Variants in PCDHGA6 observed in about 807,000 individuals in gnomAD.
PCDHGA6 encodes protocadherin gamma subfamily A, 6, also known as protocadherin gamma-A6.
PCDHGA6 carries 41 observed loss-of-function variants against 60.6 expected under a neutral mutation model. The observed-to-expected ratio is 0.68, with a 90% CI of 0.53 to 0.88. The LOEUF (loss-of-function observed/expected upper bound fraction) is 0.88. Among genes scored for constraint, PCDHGA6 ranks in the 40% least tolerant of loss-of-function variants. The probability of loss-of-function intolerance (pLI) is 0.00; values close to 1 mark genes in which losing one functional copy is unlikely to be tolerated. For missense variants in PCDHGA6, 1,312 were observed against 1,203.0 expected (o/e 1.09, Z -1.34); for synonymous variants, 594 against 524.4 (o/e 1.13, Z -1.81).
At chr5:141,505,977 G>A (rs944259753) in intron 3 of PCDHGA6, among the ~76,000 whole-genome samples, 1 of 152,150 alleles carries the variant, frequency 6.6e-6, no homozygotes, top group East Asian at 1.9e-4. Flanking sequence ...CCAGCCGAGA[G>A]AACACCTCCT....
rs749559180 is a variant in PCDHGA6, at chr5:141,375,779, G to C, written c.1696G>C (p.Ala566Pro). The change falls in exon 1 of 4, where the codon GCC becomes CCC. Residue 566 changes from alanine (A) to proline (P), a missense_variant. By Grantham distance (27) the Ala-to-Pro change is conservative. Transcript: ENST00000517434. ...CAATGCGCCCGAGATCCTGTACCCC[G>C]CCCTCCCCACAGACGGTTCCACTGG... ...NDNAPEILYP[A>P]LPTDGSTGVE... The C allele has an allele frequency of 6.2e-7, 1 of 1,614,176 alleles. No homozygotes were observed. Among genetic ancestry groups the C allele is most frequent in the South Asian group, 1.1e-5 (1 of 91,088 alleles).
chr5:141,507,365 C>G (rs1279257057), intron 3 of PCDHGA6: 1 of 152,092 alleles, frequency 6.6e-6, no homozygotes, highest in African/African-American at 2.4e-5. Context: ...ACTGGGAGCC[C>G]TGTACTTTTA....
chr5:141,478,097 A>G lies in PCDHGA6; in HGVS notation c.2425-16710A>G, dbSNP rs757796085. Reference sequence around the variant, plus strand: ...GGAGCCTTCGCTCTCCACCACTGCTACCCTCACTGTGTCAGTAACCGAGGA... The same window carrying G: ...GGAGCCTTCGCTCTCCACCACTGCTGCCCTCACTGTGTCAGTAACCGAGGA... On this transcript the variant is annotated intron_variant, in intron 1 of 3. Transcript: ENST00000517434. 9.9e-6 allele frequency: 16 copies of G among 1,613,666 alleles called. No homozygotes were observed. Among genetic ancestry groups the G allele is most frequent in the Admixed American group, 1.7e-5 (1 of 59,970 alleles).
chr5:141,452,463 G>A (rs2098741767), intron 1 of PCDHGA6, among the ~76,000 whole-genome samples: 1 of 152,160 alleles, frequency 6.6e-6, no homozygotes, highest in African/African-American at 2.4e-5. Flanking sequence ...AGCAGACGGA[G>A]CTAGGAAAAA....
chr5:141,381,826 CTTTT>C (rs770630741), intron 1 of PCDHGA6, among the ~76,000 whole-genome samples: 27 of 74,296 alleles, frequency 3.6e-4, no homozygotes, highest in Middle Eastern at 8.1e-3. Context: ...CTTTCTTCTT[CTTTT>C]TTTTTTTTTT....
In PCDHGA6 at chr5:141,433,051, G is replaced by A. The variant is rs754102028; in HGVS notation, c.2424+56544G>A. The A allele has an allele frequency of 1.8e-5, 29 of 1,614,066 alleles. No homozygotes were observed. In the East Asian group the frequency reaches 2.5e-4, roughly 14 times the overall value. On this transcript the variant is annotated intron_variant, in intron 1 of 3. Transcript: ENST00000517434. ...AGGTTTCCCTCACCACGGACTCGCG[G>A]AAGAGTCACCTGATCTTCCCCCAGC...
At chr5:141,395,972 A>G (rs974737736) in intron 1 of PCDHGA6, 1 of 152,218 alleles carries the variant, frequency 6.6e-6, no homozygotes, top group African/African-American at 2.4e-5. Flanking sequence ...CAAAAACATT[A>G]GATCTGAATT....
At position 141,485,314 on chromosome 5, in the gene PCDHGA6, T is replaced by A. The variant is rs1292296791; in HGVS notation, c.2425-9493T>A. The A allele has an allele frequency of 1.2e-6, 2 of 1,614,150 alleles. No homozygotes were observed. The highest frequency in any genetic ancestry group is 1.7e-6 in the Non-Finnish European group (2 of 1,180,032). ...CACAGGAAGGGACTTTTGTAGGGAA[T>A]GTCGCTCAAGATTTCCTGCTGGATA... On this transcript the variant is annotated intron_variant, in intron 1 of 3. Coordinates refer to ENST00000517434, the MANE Select transcript of PCDHGA6 (RefSeq NM_018919.3). This position sits in a 1 kb window ranked among gnomAD's most constrained non-coding sequence, Gnocchi z 5.7.
rs1032345173 is a variant in PCDHGA6 at position 141,468,852 on chromosome 5, C to T, written c.2425-25955C>T. Among the ~76,000 whole-genome samples the T allele has an allele frequency of 7.2e-5, 11 of 151,868 alleles. No individual in the cohort carries two copies. In the East Asian group the frequency reaches 9.7e-4, roughly 13 times the overall value. On this transcript the variant is annotated intron_variant, in intron 1 of 3. Transcript: ENST00000517434. ...CTGCACTCCAGCCTGGGCAACAGAG[C>T]GAGACTCCATCTCAAAAATAATAAT... is the stretch of plus-strand genomic sequence containing the variant.
rs375487349 is a variant in PCDHGA6, at chr5:141,383,260, G to T, written c.2424+6753G>T. On this transcript the variant is annotated intron_variant, in intron 1 of 3. Transcript: ENST00000517434. ...TAAAATGAATCTTTACCCTATAGAC[G>T]TGGAAATAATAGATATTAATGACAA... is the stretch of plus-strand genomic sequence containing the variant. 2 of 1,613,782 alleles carry T rather than the reference G, an allele frequency of 1.2e-6. No homozygotes were observed. The highest frequency in any genetic ancestry group is 1.7e-6 in the Non-Finnish European group (2 of 1,179,874).
chr5:141,450,829 A>ATTT (rs373424450), intron 1 of PCDHGA6, among the ~76,000 whole-genome samples: 12,063 of 134,876 alleles, frequency 0.089, 619 homozygotes, highest in African/African-American at 0.14. Flanking sequence ...TATTATTATT[A>ATTT]TTTTTTTTTT....
chr5:141,466,401 T>A (rs2099122186), intron 1 of PCDHGA6, among the ~76,000 whole-genome samples: 1 of 152,210 alleles, frequency 6.6e-6, no homozygotes, highest in Non-Finnish European at 1.5e-5. Flanking sequence ...TTTGCTCAAC[T>A]TTAATTTTTC....
At chr5:141,505,151 G>T (rs2099844154) in intron 2 of PCDHGA6, among the ~76,000 whole-genome samples, 1 of 152,164 alleles carries the variant, frequency 6.6e-6, no homozygotes, top group Non-Finnish European at 1.5e-5. Context: ...GACAGAGTAA[G>T]ACCCTGTCTA....
chr5:141,407,125 T>C (rs1367266686), intron 1 of PCDHGA6, among the ~76,000 whole-genome samples: 1 of 152,254 alleles, frequency 6.6e-6, no homozygotes, highest in Non-Finnish European at 1.5e-5. Context: ...TTCAGTTGCT[T>C]TATTTTTAAG....
At chr5:141,488,208 C>T (rs2099672939) in intron 1 of PCDHGA6, among the ~76,000 whole-genome samples, 1 of 152,152 alleles carries the variant, frequency 6.6e-6, no homozygotes, top group African/African-American at 2.4e-5. Flanking sequence ...GGACTCATAT[C>T]AAGTCCCTAC....
At chr5:141,498,551 C>T (rs749191535) in intron 2 of PCDHGA6, among the ~76,000 whole-genome samples, 2 of 151,950 alleles carry the variant, frequency 1.3e-5, no homozygotes, top group Non-Finnish European at 2.9e-5. Context: ...GTCAGACACA[C>T]CAGCTTCAAA....
intron 1 of PCDHGA6, chr5:141,440,430 G>A (rs965990102): frequency 6.6e-6 from 1 of 152,196 alleles, no homozygotes; most frequent in African/African-American, 2.4e-5. Flanking sequence ...CTGGGTGACA[G>A]AGCAAGGCGC....
At chr5:141,464,223 CCACTGCA>C (rs916210777) in intron 1 of PCDHGA6, among the ~76,000 whole-genome samples, 4 of 150,824 alleles carry the variant, frequency 2.7e-5, no homozygotes, top group Non-Finnish European at 4.4e-5. Flanking sequence ...TGAGATTGCG[CCACTGCA>C]CTCCAGCCTG....
chr5:141,420,076 T>TC, intron 1 of PCDHGA6: 1 of 1,613,956 alleles, frequency 6.2e-7, no homozygotes, highest in Non-Finnish European at 8.5e-7. Context: ...GACCTGTGGG[T>TC]CCCCCCAACT....
Sources: allele counts gnomAD v4.1 joint callset (sites outside exome capture counted in the v4.1 genomes callset), GRCh38; gene constraint gnomAD v4.1.1; non-coding constraint Gnocchi (gnomAD v3.1); transcripts MANE v1.5; gene names NCBI Gene and HGNC (gene_info 2026-07-23, HGNC 2026-07-21).